ZFAND3: variants seen among roughly 807,000 people sequenced by gnomAD.
ZFAND3 encodes the protein zinc finger AN1-type containing 3, also known as AN1-type zinc finger protein 3.
In ZFAND3, 10 loss-of-function variants were observed where a neutral mutation model predicts 29.6. The observed-to-expected ratio is 0.34, with a 90% CI of 0.21 to 0.57. The LOEUF is 0.57. Ranked by LOEUF, ZFAND3 falls within the 20% of genes least tolerant of loss-of-function variation. ZFAND3 has a pLI of 0.86. For synonymous variants in ZFAND3, 128 were observed against 112.6 expected (o/e 1.14, Z -0.87); for missense variants, 230 against 304.5 (o/e 0.76, Z 1.82).
At chr6:37,884,210 G>T (rs1252438441) in intron 1 of ZFAND3, among the ~76,000 whole-genome samples, 1 of 145,212 alleles carries the variant, frequency 6.9e-6, no homozygotes, top group Non-Finnish European at 1.5e-5. Flanking sequence ...ATTACGTCAG[G>T]TGGCTGGATG....
chr6:37,853,074 G>A (rs1764311789), intron 1 of ZFAND3, among the ~76,000 whole-genome samples: 2 of 152,104 alleles, frequency 1.3e-5, no homozygotes, highest in Admixed American at 1.3e-4. Context: ...TGTCTATTTT[G>A]ATGTGGCCTG....
At chr6:38,128,768 A>G (rs1230925259) in intron 5 of ZFAND3, among the ~76,000 whole-genome samples, 1 of 152,130 alleles carries the variant, frequency 6.6e-6, no homozygotes, top group Non-Finnish European at 1.5e-5. Context: ...GGTTGGTTCT[A>G]CGTTTTTGCA....
intron 2 of ZFAND3, among the ~76,000 whole-genome samples, chr6:37,934,699 T>C (rs1761663976): frequency 1.3e-5 from 2 of 151,292 alleles, no homozygotes; most frequent in Non-Finnish European, 2.9e-5. Context: ...ATTAGCTGAG[T>C]GTAGTGGTGC....
chr6:38,116,713 A>T lies in ZFAND3; in HGVS notation c.503A>T (p.Gln168Leu), dbSNP rs1765425127. The T allele has an allele frequency of 1.2e-6, 2 of 1,614,148 alleles. No homozygotes were observed. Among genetic ancestry groups the T allele is most frequent in the South Asian group, 2.2e-5 (2 of 91,082 alleles). Residue 168 changes from glutamine to leucine, a missense_variant, in exon 5 of 6, where the codon CAG becomes CTG. Physicochemically the swap from Gln to Leu is moderately radical, Grantham distance 113 (BLOSUM62 -2). This residue lies in a region of ZFAND3 where 50 missense variants were observed against 102.0 expected (regional missense o/e 0.49). Transcript: ENST00000287218. The part of the protein sequence containing the change: ...FQCQTKLELV[Q>L]QELGSCRCGY... ...TGCCAAACCAAACTGGAGCTGGTGC[A>T]GCAGGAATTGGGATCGTGTCGCTGC...
intron 2 of ZFAND3, among the ~76,000 whole-genome samples, chr6:38,010,290 G>A (rs80306262): frequency 6.6e-6 from 1 of 152,128 alleles, no homozygotes; most frequent in African/African-American, 2.4e-5. Context: ...AAAAAAACAG[G>A]TGTGCATGGG....
chr6:37,846,017 T>C (rs1764171057), intron 1 of ZFAND3, among the ~76,000 whole-genome samples: 2 of 152,210 alleles, frequency 1.3e-5, no homozygotes, highest in Admixed American at 6.5e-5. Context: ...CTACCTCAGC[T>C]CTTAGAATTG....
intron 2 of ZFAND3, among the ~76,000 whole-genome samples, chr6:38,026,750 A>T (rs890920022): frequency 1.3e-5 from 2 of 151,404 alleles, no homozygotes; most frequent in Non-Finnish European, 2.9e-5. Flanking sequence ...TTAGGATCTT[A>T]TGTGGTAGAT....
chr6:38,022,427 GTT>G (rs1202606408), intron 2 of ZFAND3, among the ~76,000 whole-genome samples: 1 of 152,208 alleles, frequency 6.6e-6, no homozygotes, highest in African/African-American at 2.4e-5. Flanking sequence ...TGGAGACACT[GTT>G]TTAAAATGCA....
intron 5 of ZFAND3, among the ~76,000 whole-genome samples, chr6:38,127,796 T>C (rs971645606): frequency 4.6e-5 from 7 of 152,146 alleles, no homozygotes; most frequent in Non-Finnish European, 1.0e-4. Context: ...ATGTAGCCCC[T>C]GAACTAAACT....
At chr6:38,040,232 T>C (rs1457656102) in intron 2 of ZFAND3, among the ~76,000 whole-genome samples, 5 of 152,172 alleles carry the variant, frequency 3.3e-5, no homozygotes, top group Non-Finnish European at 7.4e-5. Flanking sequence ...TACACATCTT[T>C]TAAAATTTTT....
chr6:38,016,608 T>C (rs566259024), intron 2 of ZFAND3, among the ~76,000 whole-genome samples: 123 of 152,306 alleles, frequency 8.1e-4, no homozygotes, highest in African/African-American at 2.8e-3. Context: ...TCAGTTAAAC[T>C]TACAATTTTG....
intron 1 of ZFAND3, among the ~76,000 whole-genome samples, chr6:37,848,409 C>G (rs1764220742): frequency 6.6e-6 from 1 of 152,226 alleles, no homozygotes. Context: ...CACCTGCTGT[C>G]AACACCAGGG....
intron 4 of ZFAND3, 144 bp from the exon 5 acceptor site, chr6:38,116,428 A>G: frequency 2.2e-6 from 2 of 925,112 alleles, no homozygotes; most frequent in South Asian, 3.6e-5. Context: ...AGTATAAACC[A>G]AGCAAGTCAG....
At position 38,150,966 on chromosome 6, in the gene ZFAND3, G is replaced by A. The variant is rs190027738; in HGVS notation, c.530-1269G>A. 3.1e-3 allele frequency among the ~76,000 whole-genome samples: 469 copies of A among 152,294 alleles called. 3 individuals are homozygous for A. The highest frequency in any genetic ancestry group is 0.011 in the African/African-American group (446 of 41,570). On this transcript the variant is annotated intron_variant, in intron 5 of 5. Transcript: ENST00000287218. ...GAGGTGTGGTGAGATAATGCTGATG[G>A]GATGAGAAGGTGATGAGGAGCCAGC... is the stretch of plus-strand genomic sequence containing the variant.
rs191980093 is a variant in ZFAND3, at chr6:37,839,477, C to T, written c.71+19461C>T. On this transcript the variant is annotated intron_variant, in intron 1 of 5. Transcript: ENST00000287218. ...GATAACAGGCGTGAGCCACCGTGCCCGGCCAGTTATTTTTTTATTTTTTAT... is the reference window on the plus strand; with the variant it reads ...GATAACAGGCGTGAGCCACCGTGCCTGGCCAGTTATTTTTTTATTTTTTAT... 8.8e-4 allele frequency among the ~76,000 whole-genome samples: 132 copies of T among 150,796 alleles called. 1 individual carries two copies. Among genetic ancestry groups the T allele is most frequent in the African/African-American group, 3.0e-3 (124 of 41,076 alleles).
intron 2 of ZFAND3, among the ~76,000 whole-genome samples, chr6:37,993,656 C>T (rs936928996): frequency 2.0e-5 from 3 of 152,068 alleles, no homozygotes; most frequent in African/African-American, 7.2e-5. Flanking sequence ...CTGTTTTTCT[C>T]CAAATTATTG....
At chr6:37,831,347 A>G (rs1763857257) in intron 1 of ZFAND3, among the ~76,000 whole-genome samples, 1 of 152,222 alleles carries the variant, frequency 6.6e-6, no homozygotes, top group Non-Finnish European at 1.5e-5. Context: ...CCACCTTATT[A>G]ATTGGTGAAG....
At chr6:37,969,221 T>A (rs931377807) in intron 2 of ZFAND3, among the ~76,000 whole-genome samples, 1 of 152,210 alleles carries the variant, frequency 6.6e-6, no homozygotes, top group East Asian at 1.9e-4. Flanking sequence ...TTTACAGGAA[T>A]GTTATGTGGC....
Position 37,940,259 on chromosome 6 carries a change from C to G in ZFAND3, c.112+10260C>G, listed in dbSNP as rs530330607. Reference sequence around the variant, plus strand: ...CTTTGGCTCCACCAAGTTTCAGATACTTAGCGTAATTCTTGTTCTGGCTGT... The same window carrying G: ...CTTTGGCTCCACCAAGTTTCAGATAGTTAGCGTAATTCTTGTTCTGGCTGT... On this transcript the variant is annotated intron_variant, in intron 2 of 5. Transcript: ENST00000287218. Among the ~76,000 whole-genome samples, 428 of 152,276 alleles carry G rather than the reference C, an allele frequency of 2.8e-3. 2 individuals carry two copies. The highest frequency in any genetic ancestry group is 9.8e-3 in the African/African-American group (406 of 41,542).
Sources: gnomAD v4.1 joint callset for allele counts (sites outside exome capture counted in the v4.1 genomes callset) on GRCh38, gnomAD v4.1.1 for gene constraint, gnomAD v4.1.1 regional missense constraint, MANE v1.5 for transcripts, NCBI Gene and HGNC (gene_info 2026-07-23, HGNC 2026-07-21) for gene names.